Variants in ANO10 observed in about 807,000 individuals in gnomAD.
The protein encoded by ANO10 is anoctamin-10.
In ANO10, 77 loss-of-function variants were observed where a neutral mutation model predicts 74.7. That is an observed-to-expected ratio of 1.03 (90% confidence interval 0.86 to 1.25). The LOEUF (loss-of-function observed/expected upper bound fraction) is 1.25, where lower values mean the gene tolerates loss of function less well. Ranked by LOEUF, ANO10 falls within the 50% of genes most tolerant of loss-of-function variation. The pLI, the probability that ANO10 is intolerant of heterozygous loss-of-function variation, is 0.00. For missense variants in ANO10, 721 were observed against 778.1 expected (o/e 0.93, Z 0.87); for synonymous variants, 279 against 284.9 (o/e 0.98, Z 0.21).
At chr3:43,550,912 T>C (rs1279367134) in intron 10 of ANO10, among the ~76,000 whole-genome samples, 7 of 152,156 alleles carry the variant, frequency 4.6e-5, no homozygotes, top group Non-Finnish European at 1.5e-5. Flanking sequence ...TTCCAGACAG[T>C]TTGTATGCAA....
chr3:43,505,276 C>A (rs980980445), intron 11 of ANO10, among the ~76,000 whole-genome samples: 8 of 152,092 alleles, frequency 5.3e-5, no homozygotes, highest in Non-Finnish European at 1.2e-4. Context: ...GGCATCAGAT[C>A]CCCAGTTAGA....
intron 10 of ANO10, among the ~76,000 whole-genome samples, chr3:43,550,482 C>T (rs1017239973): frequency 7.9e-5 from 12 of 152,152 alleles, no homozygotes; most frequent in African/African-American, 2.9e-4. Context: ...GACCATTGCT[C>T]TTTTTTTCTT....
At chr3:43,669,066 A>G (rs917083736) in intron 1 of ANO10, among the ~76,000 whole-genome samples, 1 of 152,094 alleles carries the variant, frequency 6.6e-6, no homozygotes, top group African/African-American at 2.4e-5. Context: ...TGATGAGTCT[A>G]TGCCCCTGGA....
chr3:43,366,579 G>A lies in ANO10; in HGVS notation c.*327C>T, dbSNP rs2091417970. The A allele has an allele frequency of 6.9e-6, 3 of 433,836 alleles. No individual in the cohort carries two copies. Among genetic ancestry groups the A allele is most frequent in the East Asian group, 5.0e-5 (1 of 20,036 alleles). The allele number at this position is 433,836 out of a possible 1,614,324, so 26.9% of individuals were successfully genotyped here. A position where few individuals can be genotyped will look rare whatever the true frequency, so the allele number is the denominator to read the frequency against. Reference sequence around the variant, plus strand: ...GGAGTGACACTGCTATGAGGGGAACGTGGAGAGCTGGTGGCTCACTCATGG... The same window carrying A: ...GGAGTGACACTGCTATGAGGGGAACATGGAGAGCTGGTGGCTCACTCATGG... On this transcript the variant is annotated 3_prime_UTR_variant, in exon 13 of 13. Coordinates refer to ENST00000292246, the MANE Select transcript of ANO10 (RefSeq NM_018075.5).
intron 11 of ANO10, among the ~76,000 whole-genome samples, chr3:43,519,366 A>G (rs2077850888): frequency 6.6e-6 from 1 of 152,142 alleles, no homozygotes. Flanking sequence ...GCTGGAGCAC[A>G]CTACTTCTTT....
intron 11 of ANO10, among the ~76,000 whole-genome samples, chr3:43,464,442 G>A (rs2075524722): frequency 6.6e-6 from 1 of 152,180 alleles, no homozygotes; most frequent in South Asian, 2.1e-4. Flanking sequence ...CACTTCAGGA[G>A]GCCAAGGTGG....
At chr3:43,671,474 G>T (rs2084058977) in intron 1 of ANO10, among the ~76,000 whole-genome samples, 1 of 152,042 alleles carries the variant, frequency 6.6e-6, no homozygotes, top group Non-Finnish European at 1.5e-5. Flanking sequence ...AGAAAACATA[G>T]GCTTAAAGGA....
At chr3:43,675,304 A>T (rs183108944) in intron 1 of ANO10, among the ~76,000 whole-genome samples, 4 of 152,312 alleles carry the variant, frequency 2.6e-5, no homozygotes, top group Admixed American at 2.6e-4. Context: ...GAAACACAGG[A>T]TCCTCAAGAC....
intron 12 of ANO10, among the ~76,000 whole-genome samples, chr3:43,395,938 C>T (rs1162402575): frequency 6.6e-6 from 1 of 152,236 alleles, no homozygotes; most frequent in Non-Finnish European, 1.5e-5. Context: ...AAAGCAGCCA[C>T]AGACAACCTG....
intron 12 of ANO10, among the ~76,000 whole-genome samples, chr3:43,367,658 C>G (rs1371011726): frequency 6.6e-6 from 1 of 152,086 alleles, no homozygotes; most frequent in Non-Finnish European, 1.5e-5. Context: ...AGAGCCTGTT[C>G]CCACAAGTCA....
At chr3:43,391,152 A>G (rs936537590) in intron 12 of ANO10, among the ~76,000 whole-genome samples, 3 of 152,216 alleles carry the variant, frequency 2.0e-5, no homozygotes, top group Non-Finnish European at 4.4e-5. Context: ...ATGTCAGCGT[A>G]TATTTCTAAA....
chr3:43,566,337 G>A (rs976790455), intron 7 of ANO10, among the ~76,000 whole-genome samples: 2 of 152,258 alleles, frequency 1.3e-5, no homozygotes, highest in African/African-American at 4.8e-5. Flanking sequence ...GCCCACCACA[G>A]CTGAAGGAGG....
intron 1 of ANO10, among the ~76,000 whole-genome samples, chr3:43,671,985 T>C (rs1189064202): frequency 1.3e-5 from 2 of 152,140 alleles, no homozygotes; most frequent in Non-Finnish European, 1.5e-5. Flanking sequence ...CAGCATCCAA[T>C]AAAATAAAAA....
chr3:43,564,637 C>T (rs1262431035), intron 8 of ANO10, among the ~76,000 whole-genome samples: 3 of 152,126 alleles, frequency 2.0e-5, no homozygotes. Flanking sequence ...TTAACTATTA[C>T]TCCCAATTTT....
chr3:43,649,883 G>A (rs1292610207), intron 1 of ANO10, among the ~76,000 whole-genome samples: 2 of 152,174 alleles, frequency 1.3e-5, no homozygotes, highest in Non-Finnish European at 2.9e-5. Context: ...AGACAAACAG[G>A]TGCAGGAGCC....
At chr3:43,676,693 T>C (rs768146291) in intron 1 of ANO10, among the ~76,000 whole-genome samples, 1 of 152,162 alleles carries the variant, frequency 6.6e-6, no homozygotes, top group African/African-American at 2.4e-5. Context: ...TTTTGCAAAA[T>C]GTTACCACAA....
chr3:43,470,017 T>C (rs1041631484), intron 11 of ANO10, among the ~76,000 whole-genome samples: 1 of 152,170 alleles, frequency 6.6e-6, no homozygotes, highest in Admixed American at 6.5e-5. Context: ...TGGAGTTGTA[T>C]TTTAAAAACT....
intron 1 of ANO10, chr3:43,636,353 C>A (rs1421013093): frequency 6.6e-6 from 1 of 152,256 alleles, no homozygotes; most frequent in Non-Finnish European, 1.5e-5. Flanking sequence ...AGCAAGGACT[C>A]CTGCCACCAG....
In ANO10 at chr3:43,440,779, C is replaced by A. The variant is rs1044614129; in HGVS notation, c.1798-8052G>T. ...TTCTCAAGTACATATAAAAGATTCT[C>A]CAGTACAGATCATACCTAAGGCCAC... On this transcript the variant is annotated intron_variant, in intron 11 of 12. Transcript: ENST00000292246. Among the ~76,000 whole-genome samples, 3 of 152,142 alleles carry A rather than the reference C, an allele frequency of 2.0e-5. No homozygotes were observed. The South Asian group carries it at 6.2e-4, about 32-fold the overall frequency.
Sources: allele counts gnomAD v4.1 joint callset (sites outside exome capture counted in the v4.1 genomes callset), GRCh38; gene constraint gnomAD v4.1.1; transcripts MANE v1.5; gene names NCBI Gene and HGNC (gene_info 2026-07-23, HGNC 2026-07-21).